LEF1: variants seen among roughly 807,000 people sequenced by gnomAD.
The protein encoded by LEF1 is lymphoid enhancer binding factor 1, also known as lymphoid enhancer-binding factor 1.
LEF1 carries 14 observed loss-of-function variants against 51.2 expected under a neutral mutation model. That is an observed-to-expected ratio of 0.27 (90% CI 0.18 to 0.43). LEF1 has a LOEUF of 0.43. LEF1 is among the 20% of genes least tolerant of loss of function. The pLI, the probability that LEF1 is intolerant of heterozygous loss-of-function variation, is 1.00. For synonymous variants in LEF1, 185 were observed against 183.2 expected (o/e 1.01, Z -0.08); for missense variants, 386 against 512.0 (o/e 0.75, Z 2.37).
At chr4:108,086,931 T>C (rs188516532) in intron 4 of LEF1, among the ~76,000 whole-genome samples, 1 of 152,094 alleles carries the variant, frequency 6.6e-6, no homozygotes, top group African/African-American at 2.4e-5. Flanking sequence ...CTGGCAAACA[T>C]TTTATATTTA....
At chr4:108,093,724 G>C (rs1740200585) in intron 3 of LEF1, among the ~76,000 whole-genome samples, 1 of 151,836 alleles carries the variant, frequency 6.6e-6, no homozygotes, top group Non-Finnish European at 1.5e-5. Context: ...TGGTGGGTGA[G>C]CAAAGGAAAA....
At chr4:108,114,982 A>T (rs1741746441) in intron 3 of LEF1, among the ~76,000 whole-genome samples, 1 of 152,250 alleles carries the variant, frequency 6.6e-6, no homozygotes, top group Non-Finnish European at 1.5e-5. Flanking sequence ...GGGATGGGAC[A>T]GGAGGAGACG....
At position 108,165,089 on chromosome 4, in the gene LEF1, T is replaced by C. The variant is rs1187186768; in HGVS notation, c.280+8A>G. 6.2e-7 allele frequency: 1 copy of C among 1,613,440 alleles called. No individual in the cohort carries two copies. The highest frequency in any genetic ancestry group is 8.5e-7 in the Non-Finnish European group (1 of 1,179,410). On this transcript the variant is annotated splice_region_variant and intron_variant, in intron 2 of 11. Transcript: ENST00000265165. Reference sequence around the variant, plus strand: ...CTAAAGTCAGAAGAAGTAGAATGGGTGTCTTACCGTCATCGGGGTGTTCTC... The same window carrying C: ...CTAAAGTCAGAAGAAGTAGAATGGGCGTCTTACCGTCATCGGGGTGTTCTC...
intron 11 of LEF1, among the ~76,000 whole-genome samples, chr4:108,055,350 T>C (rs1023512511): frequency 2.0e-5 from 3 of 152,236 alleles, no homozygotes; most frequent in Non-Finnish European, 4.4e-5. Context: ...ATACTCCTTG[T>C]GGCATATATA....
intron 8 of LEF1, among the ~76,000 whole-genome samples, chr4:108,074,864 C>T (rs1204074832): frequency 6.6e-6 from 1 of 152,212 alleles, no homozygotes; most frequent in Non-Finnish European, 1.5e-5. Flanking sequence ...AGCATACCTT[C>T]ATATCATATC....
intron 11 of LEF1, among the ~76,000 whole-genome samples, chr4:108,056,976 C>A (rs1737348916): frequency 6.6e-6 from 1 of 151,870 alleles, no homozygotes; most frequent in South Asian, 2.1e-4. Flanking sequence ...GAAGTTTTCC[C>A]AGGAGGTGCC....
chr4:108,110,482 T>C (rs1003568485), intron 3 of LEF1, among the ~76,000 whole-genome samples: 2 of 152,130 alleles, frequency 1.3e-5, no homozygotes, highest in Non-Finnish European at 2.9e-5. Flanking sequence ...ATGGATATTT[T>C]AAAGCAAAAA....
intron 1 of LEF1, 147 bp from the exon 2 acceptor site, chr4:108,165,310 T>G: frequency 1.5e-6 from 1 of 685,672 alleles, no homozygotes; most frequent in Non-Finnish European, 2.6e-6. Flanking sequence ...TACGCTAGTG[T>G]TTAGTACTGC....
At chr4:108,073,315 G>A (rs1467307568) in intron 8 of LEF1, among the ~76,000 whole-genome samples, 1 of 152,126 alleles carries the variant, frequency 6.6e-6, no homozygotes. Context: ...AACCCAGGAG[G>A]TGGAGGTTGC....
chr4:108,125,818 T>G (rs1296288219), intron 3 of LEF1, among the ~76,000 whole-genome samples: 1 of 152,088 alleles, frequency 6.6e-6, no homozygotes, highest in African/African-American at 2.4e-5. Context: ...GACTGTGCAG[T>G]GATTCATGTA....
chr4:108,141,438 G>A (rs995054890), intron 3 of LEF1, among the ~76,000 whole-genome samples: 2 of 152,100 alleles, frequency 1.3e-5, no homozygotes, highest in Non-Finnish European at 2.9e-5. Context: ...GCATGTCAGC[G>A]GGACTCCAGT....
chr4:108,167,629 C>T lies in LEF1; in HGVS notation c.139G>A (p.Glu47Lys), dbSNP rs1745497376. The change falls in exon 1 of 12, where the codon GAA becomes AAA. Residue 47 changes from glutamate to lysine, a missense_variant. By Grantham distance (56) the Glu-to-Lys change is moderately conservative (BLOSUM62 1). Around this residue, in one of 2 missense-constraint regions of LEF1, gnomAD observed 335 missense variants for 390.7 expected, o/e 0.86. Coordinates refer to ENST00000265165, the MANE Select transcript of LEF1 (RefSeq NM_016269.5). The surrounding 1 kb of genome is among the most constrained non-coding windows in gnomAD (Gnocchi z 5.7). Reference protein sequence around the residue: ...IFAEISHPEEEGDLADIKSSL... With the variant: ...IFAEISHPEEKGDLADIKSSL... ...GACTTGATGTCAGCTAAATCGCCTT[C>T]CTCTTCGGGATGACTGATCTCGGCG... 6.2e-7 allele frequency: 1 copy of T among 1,614,114 alleles called. No individual in the cohort carries two copies. Among genetic ancestry groups the T allele is most frequent in the African/African-American group, 1.3e-5 (1 of 74,936 alleles).
At chr4:108,049,671 C>T (rs1044710782) in intron 11 of LEF1, among the ~76,000 whole-genome samples, 1 of 152,334 alleles carries the variant, frequency 6.6e-6, no homozygotes, top group South Asian at 2.1e-4. Context: ...TGAATCCCAA[C>T]ACTTTGTGCT....
At chr4:108,134,882 C>G (rs1249130478) in intron 3 of LEF1, among the ~76,000 whole-genome samples, 2 of 152,164 alleles carry the variant, frequency 1.3e-5, no homozygotes, top group African/African-American at 4.8e-5. Flanking sequence ...GATAACCCAC[C>G]CAGCATCCCT....
chr4:108,049,518 G>T (rs574636805), intron 11 of LEF1, among the ~76,000 whole-genome samples: 110 of 152,282 alleles, frequency 7.2e-4, no homozygotes, highest in African/African-American at 2.6e-3. Flanking sequence ...AAGACAAAAG[G>T]AAAGTAAAAG....
chr4:108,051,507 G>A (rs900759572), intron 11 of LEF1, among the ~76,000 whole-genome samples: 9 of 152,220 alleles, frequency 5.9e-5, no homozygotes, highest in African/African-American at 1.2e-4. Flanking sequence ...GGGGGGCTGC[G>A]GCTGAAGCTG....
chr4:108,107,211 A>G (rs1029914335), intron 3 of LEF1, among the ~76,000 whole-genome samples: 1 of 152,074 alleles, frequency 6.6e-6, no homozygotes, highest in African/African-American at 2.4e-5. Flanking sequence ...GCTGAGGTCA[A>G]TGACCTTTGC....
chr4:108,092,659 T>A (rs1179494539), intron 3 of LEF1, among the ~76,000 whole-genome samples: 3 of 149,346 alleles, frequency 2.0e-5, no homozygotes, highest in East Asian at 1.9e-4. Context: ...TATTTTCTTG[T>A]GGGGAGTAGG....
chr4:108,129,808 G>C lies in LEF1; in HGVS notation c.414+33760C>G, dbSNP rs535103979. On this transcript the variant is annotated intron_variant, in intron 3 of 11. Transcript: ENST00000265165. The stretch of plus-strand genomic sequence containing the variant: ...TAGTAAAAGGTGGCTGCAAATCCTA[G>C]GCACAAAAAATGTGATACAAATTTG... Among the ~76,000 whole-genome samples, 7 of 152,220 alleles carry C rather than the reference G, an allele frequency of 4.6e-5. No individual in the cohort carries two copies. In the South Asian group the frequency reaches 1.4e-3, roughly 32 times the overall value.
Sources: allele counts gnomAD v4.1 joint callset (sites outside exome capture counted in the v4.1 genomes callset), GRCh38; gene constraint gnomAD v4.1.1; regional missense constraint gnomAD v4.1.1; non-coding constraint Gnocchi (gnomAD v3.1); transcripts MANE v1.5; gene names NCBI Gene and HGNC (gene_info 2026-07-23, HGNC 2026-07-21).